Variants in PHF20L1 observed in about 807,000 individuals in gnomAD.
PHF20L1 encodes the protein PHD finger protein 20 like 1.
A neutral mutation model predicts 125.5 loss-of-function variants in PHF20L1; 44 were observed. The ratio of observed to expected loss-of-function variants is 0.35; its 90% CI spans 0.28 to 0.45. The LOEUF (loss-of-function observed/expected upper bound fraction) is 0.45, where lower values mean the gene tolerates loss of function less well. Ranked by LOEUF, PHF20L1 falls within the 20% of genes least tolerant of loss-of-function variation. The probability of loss-of-function intolerance (pLI) is 1.00; values close to 1 mark genes in which losing one functional copy is unlikely to be tolerated. For synonymous variants in PHF20L1, 380 were observed against 403.1 expected, an observed-to-expected ratio of 0.94 and a Z score of 0.69; for missense variants, 1,012 against 1,217.2, an observed-to-expected ratio of 0.83 and a Z score of 2.51.
chr8:132,832,797 G>C (rs1046113668), intron 15 of PHF20L1, among the ~76,000 whole-genome samples: 5 of 152,132 alleles, frequency 3.3e-5, no homozygotes, highest in African/African-American at 1.2e-4. Flanking sequence ...TAACTCCGTA[G>C]ATAATGCTTT....
intron 15 of PHF20L1, among the ~76,000 whole-genome samples, chr8:132,834,631 G>A (rs1692900005): frequency 6.6e-6 from 1 of 151,948 alleles, no homozygotes; most frequent in Non-Finnish European, 1.5e-5. Flanking sequence ...GCTGTGCCCG[G>A]CCCATTTAAT....
At chr8:132,819,599 A>G (rs1835357658) in intron 12 of PHF20L1, among the ~76,000 whole-genome samples, 1 of 150,234 alleles carries the variant, frequency 6.7e-6, no homozygotes, top group African/African-American at 2.4e-5. Flanking sequence ...TCTCTTGACT[A>G]TTTTGCAGTA....
intron 8 of PHF20L1, chr8:132,807,711 T>C: frequency 2.2e-6 from 1 of 455,718 alleles, no homozygotes; most frequent in Non-Finnish European, 4.4e-6. Context: ...TTCTACTTAT[T>C]CGTATTGGCA....
chr8:132,810,890 T>C, intron 8 of PHF20L1, 156 bp from the exon 9 acceptor site: 1 of 586,592 alleles, frequency 1.7e-6, no homozygotes, highest in South Asian at 1.9e-5. Context: ...GGCTTATTAT[T>C]AAGCATATTT....
Position 132,842,502 on chromosome 8 carries a change from A to G in PHF20L1, c.2388-13A>G. On this transcript the variant is annotated splice_polypyrimidine_tract_variant and intron_variant, in intron 18 of 20. Coordinates refer to ENST00000395386, the MANE Select transcript of PHF20L1 (RefSeq NM_016018.5). The stretch of plus-strand genomic sequence containing the variant: ...TTTTTTCTGAACTGCTGTTTTTCCA[A>G]CTTTGTTTTAAGGAATAAACATCAT... 2 of 1,557,996 alleles carry G rather than the reference A, an allele frequency of 1.3e-6. No homozygotes were observed. Among genetic ancestry groups the G allele is most frequent in the Non-Finnish European group, 1.7e-6 (2 of 1,159,518 alleles).
Position 132,837,646 on chromosome 8 carries a change from T to C in PHF20L1, c.2092-66T>C, listed in dbSNP as rs376473139. ...CCAGCCAATTCAAAGAAAGGGCATG[T>C]ATCCTTATTCCTAGCTTATTCCTAG... is the stretch of plus-strand genomic sequence containing the variant. On this transcript the variant is annotated intron_variant, in intron 16 of 20. Transcript: ENST00000395386. 13 of 1,249,158 alleles carry C rather than the reference T, an allele frequency of 1.0e-5. No individual in the cohort carries two copies. The South Asian group carries it at 1.2e-4, about 12-fold the overall frequency. The allele number at this position is 1,249,158 out of a possible 1,614,324, so 77.4% of individuals were successfully genotyped here.
At chr8:132,811,021 C>T in intron 8 of PHF20L1, 25 bp from the exon 9 acceptor site, 1 of 1,422,396 alleles carries the variant, frequency 7.0e-7, no homozygotes, top group Non-Finnish European at 9.9e-7. Flanking sequence ...TTCTAATAAG[C>T]AATTTCTGTA....
At chr8:132,818,764 C>G (rs986583512) in intron 12 of PHF20L1, 1 of 151,690 alleles carries the variant, frequency 6.6e-6, no homozygotes, top group Non-Finnish European at 1.5e-5. Context: ...CATTGAGATA[C>G]TTTTTTGATA....
At chr8:132,837,187 G>T (rs1837454698) in intron 16 of PHF20L1, among the ~76,000 whole-genome samples, 1 of 147,914 alleles carries the variant, frequency 6.8e-6, no homozygotes, top group South Asian at 2.1e-4. Context: ...TAAGATAAAA[G>T]GAAAGCATAA....
intron 7 of PHF20L1, 28 bp from the exon 8 acceptor site, chr8:132,804,587 T>A (rs376591964): frequency 2.4e-5 from 38 of 1,554,470 alleles, no homozygotes; most frequent in Non-Finnish European, 3.2e-5. Flanking sequence ...CTAGATAAAC[T>A]CTCATATATG....
At chr8:132,801,244 G>T (rs1335902041) in intron 6 of PHF20L1, among the ~76,000 whole-genome samples, 1 of 151,624 alleles carries the variant, frequency 6.6e-6, no homozygotes, top group African/African-American at 2.4e-5. Flanking sequence ...TAGTGTTAAT[G>T]GTTGGCTTAT....
chr8:132,776,249 CTAAG>C (rs1438795128), intron 1 of PHF20L1, among the ~76,000 whole-genome samples: 2 of 152,228 alleles, frequency 1.3e-5, no homozygotes, highest in Non-Finnish European at 2.9e-5. Flanking sequence ...TACTTCATCC[CTAAG>C]TGTCACTGGG....
chr8:132,829,749 C>T (rs1034292049), intron 14 of PHF20L1, among the ~76,000 whole-genome samples: 1 of 152,018 alleles, frequency 6.6e-6, no homozygotes, highest in Non-Finnish European at 1.5e-5. Context: ...GTCAGGCTGC[C>T]TGGGTTTGAA....
rs77669286 is a variant in PHF20L1, at chr8:132,843,282, T to G, written c.2748+407T>G. 4,115 of 985,070 alleles carry G rather than the reference T, an allele frequency of 4.2e-3. 123 individuals are homozygous for G. In the African/African-American group the frequency reaches 0.064, roughly 15 times the overall value. 61.0% of individuals were successfully genotyped at this position (985,070 alleles called of 1,614,324 possible). On this transcript the variant is annotated intron_variant, in intron 19 of 20. Transcript: ENST00000395386. ...CACTCTAATTGTCTGTTTAAAAAAT[T>G]TTAGCATGTTTGTCAATGCATCCCA...
At chr8:132,811,339 C>CT in intron 9 of PHF20L1, 1 of 1,252,034 alleles carries the variant, frequency 8.0e-7, no homozygotes, top group Non-Finnish European at 1.0e-6. Flanking sequence ...GCATTAAAGC[C>CT]TTTGTCTCCA....
chr8:132,847,481 A>G lies in PHF20L1; in HGVS notation c.*1558A>G, dbSNP rs1268854338. 1 of 152,618 alleles carries G rather than the reference A, an allele frequency of 6.6e-6. No homozygotes were observed. The highest frequency in any genetic ancestry group is 2.1e-4 in the South Asian group (1 of 4,838). The allele number at this position is 152,618 out of a possible 1,614,324, so 9.5% of individuals were successfully genotyped here. A position where few individuals can be genotyped will look rare whatever the true frequency, so the allele number is the denominator to read the frequency against. ...AAACTTGAATTTATCTTTGATAAGA[A>G]TACATGCCACTGTACATTCAGATAT... On this transcript the variant is annotated 3_prime_UTR_variant, in exon 21 of 21. Transcript: ENST00000395386.
chr8:132,833,279 C>T (rs780701027), intron 15 of PHF20L1, among the ~76,000 whole-genome samples: 8 of 152,016 alleles, frequency 5.3e-5, no homozygotes, highest in Non-Finnish European at 8.8e-5. Flanking sequence ...GCTTTTGCAC[C>T]GTTTGCTTCC....
chr8:132,818,844 G>A (rs1338916300), intron 12 of PHF20L1: 2 of 151,770 alleles, frequency 1.3e-5, no homozygotes, highest in Admixed American at 6.6e-5. Flanking sequence ...ATATGTTAAA[G>A]TTATAAGGTT....
chr8:132,824,100 G>A (rs374548683), intron 13 of PHF20L1, 40 bp downstream of exon 13: 67 of 1,281,672 alleles, frequency 5.2e-5, no homozygotes, highest in Admixed American at 1.6e-4. Context: ...AGACTATAAA[G>A]CTTGACAGAG....
Sources: gnomAD v4.1 joint callset for allele counts (sites outside exome capture counted in the v4.1 genomes callset) on GRCh38, gnomAD v4.1.1 for gene constraint, MANE v1.5 for transcripts, NCBI Gene and HGNC (gene_info 2026-07-23, HGNC 2026-07-21) for gene names.